The following KSR2 variants were observed in gnomAD, a reference collection of about 807,000 sequenced individuals.
The protein encoded by KSR2 is kinase suppressor of ras 2.
A neutral mutation model predicts 107.8 loss-of-function variants in KSR2; 25 were observed. The observed-to-expected ratio is 0.23, with a 90% CI of 0.17 to 0.32. The LOEUF is 0.32. Among genes scored for constraint, KSR2 ranks in the 10% least tolerant of loss-of-function variants. KSR2 has a pLI of 1.00. For synonymous variants in KSR2, 480 were observed against 507.0 expected (o/e 0.95, Z 0.71); for missense variants, 887 against 1,268.9 (o/e 0.70, Z 4.57).
chr12:117,824,723 G>A (rs957752648), intron 3 of KSR2, among the ~76,000 whole-genome samples: 1 of 151,802 alleles, frequency 6.6e-6, no homozygotes, highest in East Asian at 1.9e-4. Context: ...TGGGTGTGGT[G>A]GCAGGCGCCT....
chr12:117,732,299 T>C (rs924562297), intron 4 of KSR2, among the ~76,000 whole-genome samples: 1 of 152,034 alleles, frequency 6.6e-6, no homozygotes, highest in Non-Finnish European at 1.5e-5. Flanking sequence ...TTTTTCTTTT[T>C]TTTTTTTGAG....
chr12:117,892,859 AT>A (rs1217647860), intron 1 of KSR2, among the ~76,000 whole-genome samples: 15 of 150,380 alleles, frequency 1.0e-4, no homozygotes, highest in African/African-American at 2.7e-4. Context: ...TATAAATAGT[AT>A]TGCATCTCTA....
chr12:117,747,073 C>T (rs1351970997), intron 4 of KSR2, among the ~76,000 whole-genome samples: 3 of 152,156 alleles, frequency 2.0e-5, no homozygotes, highest in African/African-American at 4.8e-5. Context: ...CCAGCAATCT[C>T]ATTACTGGGT....
At chr12:117,647,722 G>A (rs147292691) in intron 5 of KSR2, among the ~76,000 whole-genome samples, 8 of 152,100 alleles carry the variant, frequency 5.3e-5, no homozygotes, top group African/African-American at 9.6e-5. Context: ...TGACCCATCC[G>A]TTTTTGTTCT....
intron 17 of KSR2, among the ~76,000 whole-genome samples, chr12:117,472,005 C>T (rs1592904097): frequency 6.6e-6 from 1 of 151,454 alleles, no homozygotes; most frequent in Non-Finnish European, 1.5e-5. Context: ...AAGTATAAAC[C>T]ACCCTGCGGA....
intron 1 of KSR2, among the ~76,000 whole-genome samples, chr12:117,936,114 G>A (rs1458739921): frequency 6.6e-6 from 1 of 151,678 alleles, no homozygotes; most frequent in African/African-American, 2.4e-5. Flanking sequence ...TCAGCTCACT[G>A]CAACTCTGCC....
At chr12:117,793,559 A>G (rs1424829291) in intron 3 of KSR2, among the ~76,000 whole-genome samples, 1 of 150,170 alleles carries the variant, frequency 6.7e-6, no homozygotes, top group Non-Finnish European at 1.5e-5. Flanking sequence ...GCACACTCAC[A>G]CCAACATGCA....
chr12:117,937,414 A>G (rs989566840), intron 1 of KSR2, among the ~76,000 whole-genome samples: 1 of 151,936 alleles, frequency 6.6e-6, no homozygotes, highest in Non-Finnish European at 1.5e-5. Flanking sequence ...TATTATTACT[A>G]TTATTATCAT....
At position 117,952,180 on chromosome 12, in the gene KSR2, CACACAT is replaced by C. The variant is rs745900008; in HGVS notation, c.180+15890_180+15895del. On this transcript the variant is annotated intron_variant, in intron 1 of 19. Transcript: ENST00000339824. ...TCACACACACACACACACACACACA[CACACAT>C]ACACATACACATACACACCCACACA... 1.2e-3 allele frequency among the ~76,000 whole-genome samples: 181 copies of C among 151,780 alleles called. 1 individual carries two copies. Among genetic ancestry groups the C allele is most frequent in the African/African-American group, 4.0e-3 (165 of 41,348 alleles).
chr12:117,691,998 G>A (rs1885834614), intron 4 of KSR2, among the ~76,000 whole-genome samples: 1 of 152,186 alleles, frequency 6.6e-6, no homozygotes, highest in Non-Finnish European at 1.5e-5. Context: ...GACCTGGCTG[G>A]CAACAAGTCT....
intron 1 of KSR2, among the ~76,000 whole-genome samples, chr12:117,958,775 C>G (rs1417552701): frequency 3.3e-5 from 5 of 152,286 alleles, no homozygotes; most frequent in Admixed American, 3.3e-4. Context: ...GAGCGGAGAT[C>G]ACGCCACTGC....
intron 4 of KSR2, among the ~76,000 whole-genome samples, chr12:117,711,058 T>C (rs934696010): frequency 1.3e-5 from 2 of 152,224 alleles, no homozygotes; most frequent in Non-Finnish European, 2.9e-5. Flanking sequence ...TATCTTCATT[T>C]CTCATTGCAC....
intron 3 of KSR2, among the ~76,000 whole-genome samples, chr12:117,763,127 G>A (rs1303877908): frequency 6.6e-6 from 1 of 151,628 alleles, no homozygotes; most frequent in Admixed American, 6.6e-5. Context: ...ACCTATGAGT[G>A]AGAACATGCG....
intron 1 of KSR2, among the ~76,000 whole-genome samples, chr12:117,878,563 G>A (rs371882447): frequency 7.9e-4 from 120 of 152,246 alleles, no homozygotes; most frequent in African/African-American, 2.7e-3. Context: ...AGACTTCCAC[G>A]CCTGTGGCCC....
intron 1 of KSR2, among the ~76,000 whole-genome samples, chr12:117,871,314 C>T (rs986797291): frequency 6.6e-6 from 1 of 152,128 alleles, no homozygotes; most frequent in African/African-American, 2.4e-5. Flanking sequence ...CCAGGCCAAG[C>T]GCGGTGGCTC....
At chr12:117,560,675 A>C (rs1218049124) in intron 7 of KSR2, among the ~76,000 whole-genome samples, 1 of 152,214 alleles carries the variant, frequency 6.6e-6, no homozygotes, top group East Asian at 1.9e-4. Flanking sequence ...TCATGTTGAA[A>C]TGTGACCTCC....
intron 4 of KSR2, among the ~76,000 whole-genome samples, chr12:117,744,443 C>A (rs1888329110): frequency 6.6e-6 from 1 of 152,110 alleles, no homozygotes; most frequent in African/African-American, 2.4e-5. Flanking sequence ...AGACATAAGC[C>A]TTTATGAGCC....
intron 5 of KSR2, among the ~76,000 whole-genome samples, chr12:117,592,355 C>A (rs1407715530): frequency 1.3e-5 from 2 of 152,032 alleles, no homozygotes; most frequent in African/African-American, 4.8e-5. Flanking sequence ...CTCAGGTGAT[C>A]CTCCCACTTC....
intron 3 of KSR2, among the ~76,000 whole-genome samples, chr12:117,793,595 A>ACC (rs1491582820): frequency 3.6e-4 from 42 of 115,096 alleles, no homozygotes; most frequent in African/African-American, 2.0e-3. Flanking sequence ...ATATGCACAC[A>ACC]TACACCAACA....
Sources: allele counts gnomAD v4.1 joint callset (sites outside exome capture counted in the v4.1 genomes callset), GRCh38; gene constraint gnomAD v4.1.1; transcripts MANE v1.5; gene names NCBI Gene and HGNC (gene_info 2026-07-23, HGNC 2026-07-21).